The following PYGO1 variants were observed in gnomAD, a reference collection of about 807,000 sequenced individuals.
PYGO1 encodes the protein pygopus family PHD finger 1, also known as pygopus homolog 1.
PYGO1 carries 6 observed loss-of-function variants against 29.5 expected under a neutral mutation model. The ratio of observed to expected loss-of-function variants is 0.20; its 90% confidence interval spans 0.11 to 0.40. The LOEUF is 0.40. PYGO1 is among the 10% of genes least tolerant of loss of function. The pLI is 1.00. For missense variants in PYGO1, 515 were observed against 514.9 expected, an observed-to-expected ratio of 1.00 and a Z score of 0.00; for synonymous variants, 186 against 180.5, an observed-to-expected ratio of 1.03 and a Z score of -0.24.
intron 1 of PYGO1, among the ~76,000 whole-genome samples, chr15:55,550,912 A>T (rs925436438): frequency 6.6e-6 from 1 of 152,060 alleles, no homozygotes; most frequent in South Asian, 2.1e-4. Context: ...GTGGTGGGGG[A>T]TGGGAGGTGG....
At chr15:55,550,856 T>C (rs2058875856) in intron 1 of PYGO1, among the ~76,000 whole-genome samples, 2 of 152,222 alleles carry the variant, frequency 1.3e-5, no homozygotes, top group East Asian at 1.9e-4. Context: ...TAAATTGATA[T>C]TGGGTCTAGA....
At chr15:55,548,641 G>A (rs1197417890) in intron 2 of PYGO1, among the ~76,000 whole-genome samples, 2 of 142,364 alleles carry the variant, frequency 1.4e-5, no homozygotes, top group Admixed American at 7.2e-5. Context: ...GGGAGGTGGA[G>A]GTTGCAGTGA....
At position 55,584,316 on chromosome 15, in the gene PYGO1, G is replaced by A. The variant is rs576001437; in HGVS notation, c.49+3519C>T. ...GTACTTTTAGTAGAGACAGGTTGTCGTCCAGGCTGTTCTTAAACTCCTGGA... is the reference window on the plus strand; with the variant it reads ...GTACTTTTAGTAGAGACAGGTTGTCATCCAGGCTGTTCTTAAACTCCTGGA... On this transcript the variant is annotated intron_variant, in intron 1 of 2. Transcript: ENST00000563719. 5.3e-5 allele frequency among the ~76,000 whole-genome samples: 8 copies of A among 151,988 alleles called. No individual in the cohort carries two copies. The East Asian group carries it at 7.8e-4, about 15-fold the overall frequency.
intron 1 of PYGO1, among the ~76,000 whole-genome samples, chr15:55,550,665 C>T (rs896465562): frequency 2.6e-5 from 4 of 152,170 alleles, no homozygotes; most frequent in Admixed American, 6.5e-5. Flanking sequence ...CATGCTACCT[C>T]ACTTTTTGCT....
chr15:55,559,949 T>C (rs1331774686), intron 1 of PYGO1, among the ~76,000 whole-genome samples: 1 of 152,152 alleles, frequency 6.6e-6, no homozygotes, highest in Non-Finnish European at 1.5e-5. Flanking sequence ...ATTATCTCAG[T>C]AGATGCAGAA....
Position 55,546,783 on chromosome 15 carries a change from T to C in PYGO1, c.500A>G (p.Gln167Arg). The stretch of plus-strand genomic sequence containing the variant: ...ATGTTGATTAGGCATGTTGACATTC[T>C]GACTTAGTGCATTATTATAAGATGG... ...GNPSYNNALS[Q>R]NVNMPNQHFR... Residue 167 changes from glutamine (Q) to arginine (R), a missense_variant, in exon 3 of 3, where the codon CAG (glutamine) becomes CGG (arginine). Coordinates refer to ENST00000563719, the MANE Select transcript of PYGO1 (RefSeq NM_001367806.1). 1 of 1,614,124 alleles carries C rather than the reference T, an allele frequency of 6.2e-7. No homozygotes were observed. Among genetic ancestry groups the C allele is most frequent in the Non-Finnish European group, 8.5e-7 (1 of 1,179,968 alleles).
At chr15:55,550,743 T>C (rs2058875454) in intron 1 of PYGO1, among the ~76,000 whole-genome samples, 1 of 152,232 alleles carries the variant, frequency 6.6e-6, no homozygotes, top group Non-Finnish European at 1.5e-5. Flanking sequence ...TTACATTAAA[T>C]TGCAGGTGTG....
intron 1 of PYGO1, among the ~76,000 whole-genome samples, chr15:55,561,968 G>A (rs771664084): frequency 2.6e-5 from 4 of 152,082 alleles, no homozygotes; most frequent in Non-Finnish European, 5.9e-5. Flanking sequence ...CTAATATCCA[G>A]AGTCTACAAG....
At chr15:55,570,326 A>C (rs2058975037) in intron 1 of PYGO1, among the ~76,000 whole-genome samples, 1 of 152,192 alleles carries the variant, frequency 6.6e-6, no homozygotes, top group Non-Finnish European at 1.5e-5. Flanking sequence ...CTAATCTGCC[A>C]TCTTGGGGAA....
chr15:55,569,944 C>G (rs1164433277), intron 1 of PYGO1, among the ~76,000 whole-genome samples: 1 of 152,226 alleles, frequency 6.6e-6, no homozygotes, highest in African/African-American at 2.4e-5. Context: ...ATCCTGCTCT[C>G]AGGGTCTTGG....
chr15:55,587,226 G>A (rs1474148754), intron 1 of PYGO1, among the ~76,000 whole-genome samples: 4 of 152,202 alleles, frequency 2.6e-5, no homozygotes, highest in Non-Finnish European at 5.9e-5. Flanking sequence ...CCTAACCAGT[G>A]CGCAAGAAAG....
chr15:55,564,508 C>T (rs1009893839), intron 1 of PYGO1, among the ~76,000 whole-genome samples: 3 of 152,146 alleles, frequency 2.0e-5, no homozygotes, highest in Non-Finnish European at 4.4e-5. Flanking sequence ...TAAAGCTTTG[C>T]CTGCTCAGAG....
intron 1 of PYGO1, among the ~76,000 whole-genome samples, chr15:55,566,297 C>A (rs1257798642): frequency 1.3e-5 from 2 of 151,994 alleles, no homozygotes; most frequent in Non-Finnish European, 2.9e-5. Flanking sequence ...TGTTTAGCTC[C>A]CACTTACAAG....
intron 1 of PYGO1, among the ~76,000 whole-genome samples, chr15:55,557,729 C>T (rs2058912868): frequency 6.6e-6 from 1 of 152,150 alleles, no homozygotes; most frequent in Admixed American, 6.6e-5. Flanking sequence ...ATAAACAGAA[C>T]CAAAGACAAA....
At chr15:55,563,993 G>A (rs928184299) in intron 1 of PYGO1, among the ~76,000 whole-genome samples, 1 of 152,140 alleles carries the variant, frequency 6.6e-6, no homozygotes, top group African/African-American at 2.4e-5. Flanking sequence ...TGGAAAACAC[G>A]TGGAAAACAG....
At chr15:55,554,779 T>C (rs947792839) in intron 1 of PYGO1, among the ~76,000 whole-genome samples, 3 of 152,012 alleles carry the variant, frequency 2.0e-5, no homozygotes, top group South Asian at 2.1e-4. Flanking sequence ...TCTCAGAGCT[T>C]GAAGATAATC....
chr15:55,550,428 C>A (rs567456765), intron 1 of PYGO1, among the ~76,000 whole-genome samples: 1 of 152,122 alleles, frequency 6.6e-6, no homozygotes, highest in Admixed American at 6.5e-5. Flanking sequence ...TCTCTATCAT[C>A]CCAACAGGCC....
chr15:55,576,631 C>T lies in PYGO1; in HGVS notation c.49+11204G>A, dbSNP rs62021871. 1.4e-4 allele frequency among the ~76,000 whole-genome samples: 21 copies of T among 149,232 alleles called. No individual in the cohort carries two copies. In the East Asian group the frequency reaches 2.0e-3, roughly 14 times the overall value. ...ACTAAAAGTACAAAAATTAGCCGGG[C>T]GTGGTGGTGGGTGCCTGTAATCCCA... is the stretch of plus-strand genomic sequence containing the variant. On this transcript the variant is annotated intron_variant, in intron 1 of 2. Transcript: ENST00000563719.
intron 1 of PYGO1, among the ~76,000 whole-genome samples, chr15:55,563,338 A>G: frequency 6.8e-6 from 1 of 147,518 alleles, no homozygotes; most frequent in Non-Finnish European, 1.5e-5. Context: ...TTTAGGGAGG[A>G]GGTGGTGGTT....
Sources: gnomAD v4.1 joint callset for allele counts (sites outside exome capture counted in the v4.1 genomes callset) on GRCh38, gnomAD v4.1.1 for gene constraint, MANE v1.5 for transcripts, NCBI Gene and HGNC (gene_info 2026-07-23, HGNC 2026-07-21) for gene names.